Variants in DNAH5 observed in about 807,000 individuals in gnomAD.
The protein encoded by DNAH5 is axonemal beta dynein heavy chain 5.
A neutral mutation model predicts 518.2 loss-of-function variants in DNAH5; 372 were observed. The ratio of observed to expected loss-of-function variants is 0.72; its 90% CI spans 0.66 to 0.78. The LOEUF is 0.78. DNAH5 is among the 30% of genes least tolerant of loss of function. DNAH5 has a pLI of 0.00. For synonymous variants in DNAH5, 2,039 were observed against 2,025.9 expected (o/e 1.01, Z -0.17); for missense variants, 5,523 against 5,687.0 (o/e 0.97, Z 0.93).
At position 13,900,331 on chromosome 5, in the gene DNAH5, G is replaced by A. The variant is rs1774432673; in HGVS notation, c.2134C>T (p.Pro712Ser). The change falls in exon 15 of 79, where the codon CCT becomes TCT. Residue 712 changes from proline (P) to serine (S), a missense_variant. This residue lies in a region of DNAH5 where 5,121 missense variants were observed against 5,223.3 expected (regional missense o/e 0.98). Coordinates refer to ENST00000265104, the MANE Select transcript of DNAH5 (RefSeq NM_001369.3). The stretch of plus-strand genomic sequence containing the variant: ...TCTCTAAATAAGATTAATATCTGAG[G>A]GTCAAAGTTTACAAACAATTCCCCT... ...GTGELFVNFDPQILILFRETE... is the reference protein window; with the variant it reads ...GTGELFVNFDSQILILFRETE... The A allele has an allele frequency of 6.2e-7, 1 of 1,614,038 alleles. No homozygotes were observed. Among genetic ancestry groups the A allele is most frequent in the Admixed American group, 1.7e-5 (1 of 60,020 alleles).
chr5:13,823,202 T>C (rs773533440), intron 40 of DNAH5, 61 bp downstream of exon 40: 70 of 1,137,684 alleles, frequency 6.2e-5, no homozygotes, highest in Non-Finnish European at 8.2e-5. Context: ...AGCCCCACTT[T>C]ATTCCCATTA....
chr5:13,820,824 C>CAAA lies in DNAH5; in HGVS notation c.6688-328_6688-326dup, dbSNP rs70964510. ...TGGGCAACAGAGCAATACTCCGTCT[C>CAAA]AAAAAAAAAAAAAAAAAAAACACAT... On this transcript the variant is annotated intron_variant, in intron 40 of 78. Transcript: ENST00000265104. Among the ~76,000 whole-genome samples the CAAA allele has an allele frequency of 2.1e-3, 136 of 66,024 alleles. 4 individuals are homozygous for CAAA. Among genetic ancestry groups the CAAA allele is most frequent in the Non-Finnish European group, 2.8e-3 (105 of 37,424 alleles). 43.3% of individuals were successfully genotyped at this position (66,024 alleles called of 152,430 possible).
rs1742000009 is a variant in DNAH5 at position 13,700,815 on chromosome 5, T to G, written c.13548A>C (p.Glu4516Asp). ...TGTCGTCCTTCATCCATTTGGTGAC[T>G]TCATTGCAAAGCACCATATTGTCCA... ...WALDNMVLCN[E>D]VTKWMKDDIS... The change falls in exon 78 of 79, where the codon GAA becomes GAC. Residue 4516 changes from glutamate to aspartate, a missense_variant. Transcript: ENST00000265104. 31 of 1,614,090 alleles carry G rather than the reference T, an allele frequency of 1.9e-5. No homozygotes were observed. The highest frequency in any genetic ancestry group is 3.3e-5 in the Admixed American group (2 of 60,012).
intron 1 of DNAH5, among the ~76,000 whole-genome samples, chr5:13,939,372 G>C (rs909741739): frequency 6.6e-6 from 1 of 152,084 alleles, no homozygotes; most frequent in African/African-American, 2.4e-5. Context: ...TTCTACCCTG[G>C]GTAGGATAGT....
intron 45 of DNAH5, among the ~76,000 whole-genome samples, chr5:13,809,821 T>C (rs1760302417): frequency 6.6e-6 from 1 of 152,250 alleles, no homozygotes; most frequent in Non-Finnish European, 1.5e-5. Context: ...TAAATGTTTC[T>C]TAATTCATTG....
intron 44 of DNAH5, among the ~76,000 whole-genome samples, chr5:13,811,256 T>C (rs1417237384): frequency 6.6e-6 from 1 of 152,252 alleles, no homozygotes; most frequent in African/African-American, 2.4e-5. Flanking sequence ...TTCACCTTGA[T>C]GTGGTTATTA....
chr5:13,749,816 A>G (rs1248530504), intron 65 of DNAH5, among the ~76,000 whole-genome samples: 2 of 152,140 alleles, frequency 1.3e-5, no homozygotes, highest in African/African-American at 4.8e-5. Context: ...ATTACATGAC[A>G]ATGCTAAATT....
chr5:13,953,618 T>C (rs561043356), intron 1 of DNAH5, among the ~76,000 whole-genome samples: 2 of 152,370 alleles, frequency 1.3e-5, no homozygotes, highest in South Asian at 4.1e-4. Flanking sequence ...GCATTTGCAA[T>C]GGAATTAATC....
rs754892386 is a variant in DNAH5, at chr5:13,751,201, G to C, written c.11088C>G (p.Thr3696=). The C allele has an allele frequency of 6.2e-7, 1 of 1,613,846 alleles. No individual in the cohort carries two copies. Among genetic ancestry groups the C allele is most frequent in the East Asian group, 2.2e-5 (1 of 44,846 alleles). The part of the protein sequence containing the change: ...VLDGFRLYIT[T]KLPNPAYTPE... ...GGGTGTAGGCTGGGTTAGGCAATTT[G>C]GTGGTAATGTAGAGTCTAAAGCCAT... is the stretch of plus-strand genomic sequence containing the variant. The change falls in exon 65 of 79, where the codon ACC becomes ACG. Residue 3696 remains threonine (T), a synonymous_variant. Transcript: ENST00000265104.
intron 1 of DNAH5, among the ~76,000 whole-genome samples, chr5:13,934,816 A>G (rs1169424331): frequency 6.6e-6 from 1 of 152,216 alleles, no homozygotes; most frequent in African/African-American, 2.4e-5. Flanking sequence ...TAAAAAATAG[A>G]TAATCTACCT....
intron 21 of DNAH5, among the ~76,000 whole-genome samples, chr5:13,878,034 C>T (rs935708500): frequency 7.2e-5 from 11 of 152,092 alleles, no homozygotes; most frequent in South Asian, 6.2e-4. Flanking sequence ...TGGGAGCAGA[C>T]GGGACTGGCA....
intron 2 of DNAH5, among the ~76,000 whole-genome samples, chr5:13,929,524 G>A (rs553699460): frequency 6.6e-6 from 1 of 152,138 alleles, no homozygotes; most frequent in South Asian, 2.1e-4. Flanking sequence ...TGTTTTTAAA[G>A]GATAAAATCT....
At chr5:13,781,151 G>C (rs571780351) in intron 52 of DNAH5, among the ~76,000 whole-genome samples, 192 bp from the exon 53 acceptor site, 32 of 152,260 alleles carry the variant, frequency 2.1e-4, no homozygotes, top group African/African-American at 7.7e-4. Context: ...TGCATCAGAC[G>C]GGGTGGGAAC....
intron 1 of DNAH5, among the ~76,000 whole-genome samples, chr5:13,989,169 G>A (rs1350515320): frequency 6.6e-6 from 1 of 152,146 alleles, no homozygotes; most frequent in Non-Finnish European, 1.5e-5. Context: ...TGGAAGTGAA[G>A]TGTAGGGATA....
At position 13,824,249 on chromosome 5, in the gene DNAH5, C is replaced by G. The variant is rs116069486; in HGVS notation, c.6529G>C (p.Glu2177Gln). The G allele has an allele frequency of 2.7e-4, 440 of 1,614,002 alleles. 1 individual carries two copies. The African/African-American group carries it at 5.0e-3, about 18-fold the overall frequency. Residue 2177 changes from glutamate (E) to glutamine (Q), a missense_variant, in exon 39 of 79, where the codon GAG (glutamate) becomes CAG (glutamine). Glu to Gln is a conservative substitution (Grantham distance 29). Transcript: ENST00000265104. ...AAKRANPMDTESTIVMRVLRD... is the reference protein window; with the variant it reads ...AAKRANPMDTQSTIVMRVLRD... ...AGTACACGCATGACAATCGTGGACT[C>G]CGTATCCATTGGATTGGCTCTTTTT...
At chr5:13,831,113 G>A (rs1763623678) in intron 35 of DNAH5, among the ~76,000 whole-genome samples, 1 of 152,072 alleles carries the variant, frequency 6.6e-6, no homozygotes, top group Non-Finnish European at 1.5e-5. Context: ...AATGTATTTG[G>A]CAACATTTTC....
At chr5:13,711,932 C>A (rs369199681) in intron 75 of DNAH5, among the ~76,000 whole-genome samples, 1 of 152,008 alleles carries the variant, frequency 6.6e-6, no homozygotes, top group African/African-American at 2.4e-5. Context: ...AAAATGACCA[C>A]ACTGCCAAAA....
In DNAH5 at chr5:13,762,796, C is replaced by T. The variant is rs753059039; in HGVS notation, c.10207G>A (p.Val3403Ile). The T allele has an allele frequency of 6.2e-7, 1 of 1,614,174 alleles. No individual in the cohort carries two copies. Among genetic ancestry groups the T allele is most frequent in the Admixed American group, 1.7e-5 (1 of 60,034 alleles). ...IETAKRVCGN[V>I]AGLCSWTKAM... ...TTCGTCCAGGAACAAAGACCAGCTA[C>T]ATTTCCACATACGCGTTTAGCAGTT... The change falls in exon 60 of 79, where the codon GTA becomes ATA. Residue 3403 changes from valine to isoleucine, a missense_variant. Coordinates refer to ENST00000265104, the MANE Select transcript of DNAH5 (RefSeq NM_001369.3).
chr5:13,703,577 A>C (rs1479297811), intron 76 of DNAH5, among the ~76,000 whole-genome samples: 1 of 152,130 alleles, frequency 6.6e-6, no homozygotes, highest in Non-Finnish European at 1.5e-5. Flanking sequence ...CTGCTCTCTA[A>C]TGACCCTGAT....
Sources: gnomAD v4.1 joint callset for allele counts (sites outside exome capture counted in the v4.1 genomes callset) on GRCh38, gnomAD v4.1.1 for gene constraint, gnomAD v4.1.1 regional missense constraint, MANE v1.5 for transcripts, NCBI Gene and HGNC (gene_info 2026-07-23, HGNC 2026-07-21) for gene names.